FSTL5: variants seen among roughly 807,000 people sequenced by gnomAD.
FSTL5 encodes the protein follistatin like 5, also known as follistatin-related protein 5.
Under a neutral mutation model 89.1 loss-of-function variants are expected in FSTL5, and 62 were observed. That is an observed-to-expected ratio of 0.70 (90% confidence interval 0.57 to 0.86). FSTL5 has a LOEUF of 0.86. Ranked by LOEUF, FSTL5 falls within the 40% of genes least tolerant of loss-of-function variation. The pLI, the probability that FSTL5 is intolerant of heterozygous loss-of-function variation, is 0.00. For synonymous variants in FSTL5, 383 were observed against 346.2 expected (o/e 1.11, Z -1.18); for missense variants, 1,057 against 1,001.6 (o/e 1.06, Z -0.75).
chr4:161,451,250 G>A (rs1051391248), intron 15 of FSTL5, among the ~76,000 whole-genome samples: 7 of 151,924 alleles, frequency 4.6e-5, no homozygotes, highest in Middle Eastern at 3.4e-3. Context: ...TCTTGCTTAA[G>A]TTTAAATTTT....
chr4:161,792,689 G>A lies in FSTL5; in HGVS notation c.410-16615C>T, dbSNP rs916338865. On this transcript the variant is annotated intron_variant, in intron 4 of 15. Coordinates refer to ENST00000306100, the MANE Select transcript of FSTL5 (RefSeq NM_020116.5). ...CCTCTCCCCTGAGGGCTGCAGGCTCGATGGGATGTCCTGCTTGTGACTAGC... is the reference window on the plus strand; with the variant it reads ...CCTCTCCCCTGAGGGCTGCAGGCTCAATGGGATGTCCTGCTTGTGACTAGC... Among the ~76,000 whole-genome samples, 5 of 152,200 alleles carry A rather than the reference G, an allele frequency of 3.3e-5. No homozygotes were observed. The South Asian group carries it at 6.2e-4, about 19-fold the overall frequency.
chr4:161,564,913 A>G (rs1732745423), intron 8 of FSTL5, among the ~76,000 whole-genome samples: 1 of 151,926 alleles, frequency 6.6e-6, no homozygotes, highest in African/African-American at 2.4e-5. Flanking sequence ...TATCTATAAT[A>G]GTGATAGAAC....
At chr4:161,481,602 A>G (rs115319588) in intron 12 of FSTL5, among the ~76,000 whole-genome samples, 258 of 152,300 alleles carry the variant, frequency 1.7e-3, no homozygotes, top group African/African-American at 6.0e-3. Flanking sequence ...AGAGTCATGT[A>G]ATCTTGTGGA....
At chr4:161,572,850 G>T (rs1359373613) in intron 8 of FSTL5, among the ~76,000 whole-genome samples, 1 of 151,998 alleles carries the variant, frequency 6.6e-6, no homozygotes, top group Non-Finnish European at 1.5e-5. Flanking sequence ...GACAAATAAA[G>T]GTAGGATATG....
chr4:161,743,101 CTGTG>C (rs1740083882), intron 6 of FSTL5, among the ~76,000 whole-genome samples: 1 of 151,786 alleles, frequency 6.6e-6, no homozygotes, highest in Non-Finnish European at 1.5e-5. Context: ...ATTTTTTTAC[CTGTG>C]TTTTTGTTGT....
intron 8 of FSTL5, among the ~76,000 whole-genome samples, chr4:161,563,245 A>G (rs1732671137): frequency 6.6e-6 from 1 of 151,912 alleles, no homozygotes; most frequent in Non-Finnish European, 1.5e-5. Flanking sequence ...TGTAAATAAT[A>G]CTCTTATGAA....
chr4:162,120,535 G>T (rs1195070932), intron 1 of FSTL5, among the ~76,000 whole-genome samples: 1 of 152,002 alleles, frequency 6.6e-6, no homozygotes, highest in Non-Finnish European at 1.5e-5. Context: ...TTTAATATTT[G>T]AAGTAAATGA....
At chr4:161,543,023 C>T (rs1731885147) in intron 8 of FSTL5, among the ~76,000 whole-genome samples, 3 of 151,414 alleles carry the variant, frequency 2.0e-5, no homozygotes, top group Admixed American at 2.0e-4. Context: ...AAATATGGGA[C>T]AATTTGAGCA....
chr4:161,866,166 C>T (rs976291940), intron 4 of FSTL5, among the ~76,000 whole-genome samples: 1 of 152,210 alleles, frequency 6.6e-6, no homozygotes, highest in Non-Finnish European at 1.5e-5. Flanking sequence ...CCAGACCCAA[C>T]ATTGTCCATA....
chr4:162,141,062 C>G (rs937080780), intron 1 of FSTL5, among the ~76,000 whole-genome samples: 2 of 147,350 alleles, frequency 1.4e-5, no homozygotes, highest in Admixed American at 1.4e-4. Context: ...TTAGTTCACT[C>G]AAGAGTTGGT....
At chr4:162,133,905 T>C (rs1249451837) in intron 1 of FSTL5, among the ~76,000 whole-genome samples, 1 of 152,208 alleles carries the variant, frequency 6.6e-6, no homozygotes, top group Non-Finnish European at 1.5e-5. Flanking sequence ...AGTTGTTCTC[T>C]GAGATTCTCT....
At chr4:161,812,533 C>CACAG (rs1242359816) in intron 4 of FSTL5, among the ~76,000 whole-genome samples, 1 of 151,680 alleles carries the variant, frequency 6.6e-6, no homozygotes, top group South Asian at 2.1e-4. Context: ...CACACACACA[C>CACAG]AAATGAAACA....
chr4:161,660,710 TG>T (rs1469077410), intron 6 of FSTL5, among the ~76,000 whole-genome samples: 5 of 152,038 alleles, frequency 3.3e-5, no homozygotes, highest in Non-Finnish European at 2.9e-5. Context: ...CACTTATAAG[TG>T]AGAATATGTG....
chr4:161,759,954 G>A (rs940873548), intron 5 of FSTL5, among the ~76,000 whole-genome samples: 10 of 151,970 alleles, frequency 6.6e-5, no homozygotes, highest in Non-Finnish European at 1.3e-4. Flanking sequence ...GAGACAGTTT[G>A]TCCCAACTTT....
intron 4 of FSTL5, among the ~76,000 whole-genome samples, chr4:161,898,393 A>C (rs949422743): frequency 6.6e-6 from 1 of 151,652 alleles, no homozygotes; most frequent in Admixed American, 6.6e-5. Context: ...ATAAATTTTC[A>C]ACTCAGTTGT....
intron 7 of FSTL5, among the ~76,000 whole-genome samples, chr4:161,634,361 T>G (rs1002554866): frequency 6.6e-6 from 1 of 152,208 alleles, no homozygotes; most frequent in Non-Finnish European, 1.5e-5. Flanking sequence ...AAGCTATAAA[T>G]CAATCATCCA....
chr4:161,908,770 T>G (rs1459180394), intron 4 of FSTL5, among the ~76,000 whole-genome samples: 1 of 152,136 alleles, frequency 6.6e-6, no homozygotes, highest in Non-Finnish European at 1.5e-5. Context: ...TTGCCAAAGT[T>G]TAACCACAGC....
intron 4 of FSTL5, among the ~76,000 whole-genome samples, chr4:161,879,565 C>T (rs1014997991): frequency 1.3e-5 from 2 of 152,206 alleles, no homozygotes; most frequent in Non-Finnish European, 2.9e-5. Context: ...ACATCATCTC[C>T]ATTCAGTCTC....
At chr4:161,510,791 T>C (rs1232235171) in intron 10 of FSTL5, among the ~76,000 whole-genome samples, 2 of 151,808 alleles carry the variant, frequency 1.3e-5, no homozygotes, top group African/African-American at 2.4e-5. Flanking sequence ...TTATTTAAGT[T>C]GCTAATAGAA....
Sources: allele counts gnomAD v4.1 joint callset (sites outside exome capture counted in the v4.1 genomes callset), GRCh38; gene constraint gnomAD v4.1.1; transcripts MANE v1.5; gene names NCBI Gene and HGNC (gene_info 2026-07-23, HGNC 2026-07-21).